The following TRIM51G variants were observed in gnomAD, a reference collection of about 807,000 sequenced individuals.
TRIM51G encodes the protein tripartite motif-containing protein 51G.
the TRIM51G span, among the ~76,000 whole-genome samples, chr11:48,980,739 G>T: frequency 2.0e-5 from 3 of 152,128 alleles, no homozygotes; most frequent in African/African-American, 7.2e-5. Flanking sequence ...TCCTACCAAA[G>T]AGTCACACTA....
the TRIM51G span, chr11:48,975,900 G>C: frequency 1.3e-6 from 1 of 798,118 alleles, no homozygotes; most frequent in East Asian, 2.5e-5. Context: ...CAGTGATATT[G>C]GGATCATGTT....
chr11:48,980,754 A>T, the TRIM51G span, among the ~76,000 whole-genome samples: 5 of 152,238 alleles, frequency 3.3e-5, no homozygotes, highest in Admixed American at 6.5e-5. Context: ...ACACTAACTT[A>T]TATAAAAAAT....
At chr11:48,977,760 T>C in the TRIM51G span, among the ~76,000 whole-genome samples, 1 of 152,148 alleles carries the variant, frequency 6.6e-6, no homozygotes, top group Non-Finnish European at 1.5e-5. Flanking sequence ...CTTCCCCTGG[T>C]TTACTTTGTA....
chr11:48,981,058 T>C, the TRIM51G span: 2 of 727,980 alleles, frequency 2.7e-6, no homozygotes, highest in East Asian at 3.2e-5. Flanking sequence ...TCATTCACAC[T>C]CTGATATACG....
At chr11:48,976,281 G>A in the TRIM51G span, among the ~76,000 whole-genome samples, 8 of 152,202 alleles carry the variant, frequency 5.3e-5, no homozygotes, top group South Asian at 1.7e-3. Context: ...ATGTAAAAGT[G>A]AAATATTATA....
the TRIM51G span, among the ~76,000 whole-genome samples, chr11:48,983,496 A>G: frequency 1.3e-5 from 2 of 152,114 alleles, no homozygotes. Flanking sequence ...CCATATATCC[A>G]TGATGCATAC....
At chr11:48,982,539 C>T in the TRIM51G span, among the ~76,000 whole-genome samples, 13 of 152,006 alleles carry the variant, frequency 8.6e-5, no homozygotes, top group African/African-American at 3.1e-4. Context: ...TGGGTGGACA[C>T]TATCCAATCA....
At chr11:48,981,953 CA>C in the TRIM51G span, among the ~76,000 whole-genome samples, 1 of 152,126 alleles carries the variant, frequency 6.6e-6, no homozygotes, top group African/African-American at 2.4e-5. Context: ...CAAATCTGTT[CA>C]AAAACCTATT....
the TRIM51G span, among the ~76,000 whole-genome samples, chr11:48,977,918 A>C: frequency 2.0e-5 from 3 of 150,916 alleles, no homozygotes; most frequent in African/African-American, 4.9e-5. Context: ...TTATTTATTT[A>C]TTTATTTATT....
chr11:48,977,308 C>G, the TRIM51G span: 1 of 551,400 alleles, frequency 1.8e-6, no homozygotes, highest in Non-Finnish European at 3.4e-6. Flanking sequence ...CCAAAATTAT[C>G]ATTTTCTTTT....
chr11:48,981,148 A>G, the TRIM51G span: 1 of 1,349,460 alleles, frequency 7.4e-7, no homozygotes, highest in Non-Finnish European at 1.0e-6. Flanking sequence ...CAAATCTGAG[A>G]GGTGTGAAGT....
At chr11:48,979,910 C>A in the TRIM51G span, among the ~76,000 whole-genome samples, 2 of 151,498 alleles carry the variant, frequency 1.3e-5, no homozygotes, top group Non-Finnish European at 2.9e-5. Flanking sequence ...TGCTCCTGAT[C>A]AAGGTTTTGC....
At chr11:48,975,715 C>T in the TRIM51G span, 5 of 1,549,332 alleles carry the variant, frequency 3.2e-6, no homozygotes. Flanking sequence ...CTTAACACAT[C>T]CAAGAAGAAA....
chr11:48,978,817 A>C, the TRIM51G span: 2 of 814,116 alleles, frequency 2.5e-6, no homozygotes, highest in African/African-American at 3.4e-5. Context: ...GAGAGAGGTA[A>C]AACACCCATC....
chr11:48,975,640 G>T, the TRIM51G span: 1 of 1,415,478 alleles, frequency 7.1e-7, no homozygotes, highest in Non-Finnish European at 1.0e-6. Context: ...TACTGTGTCT[G>T]TAGGTCTTGG....
At chr11:48,983,520 C>A in the TRIM51G span, among the ~76,000 whole-genome samples, 2 of 151,770 alleles carry the variant, frequency 1.3e-5, no homozygotes, top group African/African-American at 4.8e-5. Flanking sequence ...TCTATTGCAG[C>A]AAACACTAGA....
the TRIM51G span, among the ~76,000 whole-genome samples, chr11:48,981,922 G>C: frequency 6.6e-6 from 1 of 152,112 alleles, no homozygotes; most frequent in South Asian, 2.1e-4. Flanking sequence ...TCTACTCCTA[G>C]TTCCTGCCCA....
the TRIM51G span, among the ~76,000 whole-genome samples, chr11:48,982,946 G>GGTGT: frequency 6.0e-3 from 294 of 49,238 alleles, no homozygotes; most frequent in African/African-American, 0.024. Flanking sequence ...AAGTATTTTT[G>GGTGT]GTATATATAC....
the TRIM51G span, among the ~76,000 whole-genome samples, chr11:48,976,606 A>G: frequency 6.6e-6 from 1 of 152,018 alleles, no homozygotes; most frequent in African/African-American, 2.4e-5. Flanking sequence ...CCTATTTACA[A>G]AATATTTTTT....
Sources: gnomAD v4.1 joint callset for allele counts (sites outside exome capture counted in the v4.1 genomes callset) on GRCh38, gnomAD v4.1.1 for gene constraint, MANE v1.5 for transcripts, NCBI Gene and HGNC (gene_info 2026-07-23, HGNC 2026-07-21) for gene names.